IGF2BP1: variants seen among roughly 807,000 people sequenced by gnomAD.
IGF2BP1 encodes the protein insulin like growth factor 2 mRNA binding protein 1.
In IGF2BP1, 11 loss-of-function variants were observed where a neutral mutation model predicts 74.9. The observed-to-expected ratio is 0.15, with a 90% CI of 0.09 to 0.24. IGF2BP1 has a LOEUF of 0.24. Ranked by LOEUF, IGF2BP1 falls within the 10% of genes least tolerant of loss-of-function variation. The probability of loss-of-function intolerance (pLI) is 1.00; values close to 1 mark genes in which losing one functional copy is unlikely to be tolerated. For synonymous variants in IGF2BP1, 287 were observed against 281.8 expected, an observed-to-expected ratio of 1.02 and a Z score of -0.18; for missense variants, 440 against 757.4, an observed-to-expected ratio of 0.58 and a Z score of 4.92.
intron 5 of IGF2BP1, among the ~76,000 whole-genome samples, chr17:49,033,898 C>T (rs897549757): frequency 6.6e-6 from 1 of 152,010 alleles, no homozygotes; most frequent in Non-Finnish European, 1.5e-5. Context: ...CAGCTCATTG[C>T]AGCTTTAACT....
intron 14 of IGF2BP1, among the ~76,000 whole-genome samples, chr17:49,047,224 A>G (rs2042116569): frequency 6.6e-6 from 1 of 152,136 alleles, no homozygotes; most frequent in African/African-American, 2.4e-5. Context: ...TTTGACCTCA[A>G]ACTTCACATA....
chr17:49,030,512 T>G (rs2041909985), intron 4 of IGF2BP1, among the ~76,000 whole-genome samples: 1 of 152,120 alleles, frequency 6.6e-6, no homozygotes, highest in African/African-American at 2.4e-5. Context: ...TAGAATGGAT[T>G]TAGGTGTTTC....
At position 49,052,515 on chromosome 17, in the gene IGF2BP1, C is replaced by T. The variant is rs1254679619; in HGVS notation, c.*3071C>T. On this transcript the variant is annotated 3_prime_UTR_variant, in exon 15 of 15. Coordinates refer to ENST00000290341, the MANE Select transcript of IGF2BP1 (RefSeq NM_006546.4). ...TGTGGCAAGGGACTGGAAAACTTCA[C>T]TTGCTTGGATTAGGCAAGGCTCCAC... 3.3e-5 allele frequency: 5 copies of T among 152,228 alleles called. No homozygotes were observed. The allele number at this position is 152,228 out of a possible 1,614,324, so 9.4% of individuals were successfully genotyped here. A position where few individuals can be genotyped will look rare whatever the true frequency, so the allele number is the denominator to read the frequency against.
rs1773402964 is a variant in IGF2BP1, at chr17:49,027,745, G to A, written c.337+1228G>A. Reference sequence around the variant, plus strand: ...CGGGCACCTGTAATCCCAGCTACTTGGGAGGCTGAGGCAGGAGAATGGCGT... The same window carrying A: ...CGGGCACCTGTAATCCCAGCTACTTAGGAGGCTGAGGCAGGAGAATGGCGT... On this transcript the variant is annotated intron_variant, in intron 4 of 14. Transcript: ENST00000290341. Among the ~76,000 whole-genome samples, 5 of 149,700 alleles carry A rather than the reference G, an allele frequency of 3.3e-5. No homozygotes were observed. The South Asian group carries it at 1.1e-3, about 32-fold the overall frequency.
chr17:49,047,513 C>A (rs1003055595), intron 14 of IGF2BP1, among the ~76,000 whole-genome samples: 1 of 151,402 alleles, frequency 6.6e-6, no homozygotes, highest in Non-Finnish European at 1.5e-5. Context: ...ATCTTTAATT[C>A]AGCGTTTTTT....
At chr17:49,015,493 C>T (rs1375085927) in intron 2 of IGF2BP1, among the ~76,000 whole-genome samples, 3 of 152,208 alleles carry the variant, frequency 2.0e-5, no homozygotes, top group Non-Finnish European at 4.4e-5. Flanking sequence ...AGCAATGTCC[C>T]TGAGGGGGAC....
At chr17:49,041,787 G>T (rs2042055365) in intron 8 of IGF2BP1, among the ~76,000 whole-genome samples, 6 of 152,218 alleles carry the variant, frequency 3.9e-5, no homozygotes. Context: ...ACAGCCTGCA[G>T]CTAGGAGCCA....
At position 49,038,125 on chromosome 17, in the gene IGF2BP1, G is replaced by A. The variant is rs1463243151; in HGVS notation, c.402-43G>A. The A allele has an allele frequency of 4.2e-6, 6 of 1,420,392 alleles. No homozygotes were observed. The African/African-American group carries it at 8.8e-5, about 21-fold the overall frequency. The allele number at this position is 1,420,392 out of a possible 1,614,324, so 88.0% of individuals were successfully genotyped here. ...GGCCAAGAGAGCATCTGGTATGATT[G>A]GCATGGATTGGAATGACCTGTAGAC... is the stretch of plus-strand genomic sequence containing the variant. On this transcript the variant is annotated intron_variant, in intron 5 of 14. Transcript: ENST00000290341.
intron 2 of IGF2BP1, chr17:49,014,913 C>T (rs1238077970): frequency 1.0e-6 from 1 of 985,230 alleles, no homozygotes; most frequent in Non-Finnish European, 1.2e-6. Flanking sequence ...GCCACCTCGG[C>T]TGTTCCCTCT....
At chr17:49,041,310 A>AT (rs1195985592) in intron 7 of IGF2BP1, 68 bp from the exon 8 acceptor site, 3 of 1,585,092 alleles carry the variant, frequency 1.9e-6, no homozygotes, top group Non-Finnish European at 2.6e-6. Context: ...TGGCATGGTG[A>AT]TTGAGTCTTC....
chr17:49,028,842 C>T (rs755331650), intron 4 of IGF2BP1, among the ~76,000 whole-genome samples: 31 of 152,192 alleles, frequency 2.0e-4, no homozygotes, highest in Non-Finnish European at 3.5e-4. Context: ...GAGTCTCACT[C>T]TGTTACCCAG....
At chr17:49,022,020 A>T (rs564864476) in intron 2 of IGF2BP1, among the ~76,000 whole-genome samples, 5 of 152,228 alleles carry the variant, frequency 3.3e-5, no homozygotes, top group Admixed American at 3.3e-4. Context: ...ACTAGTCTGG[A>T]TACTCCAGTT....
chr17:49,002,481 G>A (rs2041498851), intron 2 of IGF2BP1, among the ~76,000 whole-genome samples: 1 of 151,818 alleles, frequency 6.6e-6, no homozygotes, highest in South Asian at 2.1e-4. Flanking sequence ...AATGAATGAA[G>A]AGGGGTTAAA....
chr17:48,998,158 C>T (rs955724970), intron 1 of IGF2BP1, among the ~76,000 whole-genome samples: 1 of 152,112 alleles, frequency 6.6e-6, no homozygotes, highest in African/African-American at 2.4e-5. Flanking sequence ...ATAAGGAGCT[C>T]TGGCTTCCCC....
chr17:49,003,900 G>C (rs1598121396), intron 2 of IGF2BP1, among the ~76,000 whole-genome samples: 1 of 152,198 alleles, frequency 6.6e-6, no homozygotes, highest in South Asian at 2.1e-4. Flanking sequence ...GTCGGAGACG[G>C]GTGGTAGACT....
intron 3 of IGF2BP1, 140 bp from the exon 4 acceptor site, chr17:49,026,326 C>T: frequency 1.4e-6 from 1 of 710,652 alleles, no homozygotes; most frequent in Non-Finnish European, 2.5e-6. Flanking sequence ...AGAAAGGTCA[C>T]ACTGGACAGG....
Position 49,050,063 on chromosome 17 carries a change from G to A in IGF2BP1, c.*619G>A, listed in dbSNP as rs2042150703. On this transcript the variant is annotated 3_prime_UTR_variant, in exon 15 of 15. Coordinates refer to ENST00000290341, the MANE Select transcript of IGF2BP1 (RefSeq NM_006546.4). The stretch of plus-strand genomic sequence containing the variant: ...CTCCCTAACCAATAGGTACAATACG[G>A]AATGAAGAAGAGGGGAAAATGGGGA... 6.6e-6 allele frequency: 1 copy of A among 152,620 alleles called. No individual in the cohort carries two copies. The highest frequency in any genetic ancestry group is 6.5e-5 in the Admixed American group (1 of 15,276). The allele number at this position is 152,620 out of a possible 1,614,324, so 9.5% of individuals were successfully genotyped here. A position where few individuals can be genotyped will look rare whatever the true frequency, so the allele number is the denominator to read the frequency against.
At chr17:48,999,409 A>C (rs560864043) in intron 2 of IGF2BP1, among the ~76,000 whole-genome samples, 56 of 152,130 alleles carry the variant, frequency 3.7e-4, no homozygotes, top group African/African-American at 1.3e-3. Context: ...TGTTACTTGC[A>C]GAATTAAAGG....
At chr17:49,010,219 C>T (rs1419564396) in intron 2 of IGF2BP1, among the ~76,000 whole-genome samples, 2 of 152,132 alleles carry the variant, frequency 1.3e-5, no homozygotes, top group Non-Finnish European at 1.5e-5. Context: ...TCCTCCTTCC[C>T]TCTGGTCATT....
Sources: allele counts gnomAD v4.1 joint callset (sites outside exome capture counted in the v4.1 genomes callset), GRCh38; gene constraint gnomAD v4.1.1; transcripts MANE v1.5; gene names NCBI Gene and HGNC (gene_info 2026-07-23, HGNC 2026-07-21).